The following RAB10 variants were observed in gnomAD, a reference collection of about 807,000 sequenced individuals.
The protein encoded by RAB10 is ras-related protein Rab-10.
In RAB10, 5 loss-of-function variants were observed where a neutral mutation model predicts 25.7. The ratio of observed to expected loss-of-function variants is 0.19; its 90% CI spans 0.10 to 0.41. The LOEUF (loss-of-function observed/expected upper bound fraction) is 0.41, where lower values mean the gene tolerates loss of function less well. RAB10 is among the 10% of genes least tolerant of loss of function. The pLI, the probability that RAB10 is intolerant of heterozygous loss-of-function variation, is 1.00. For missense variants in RAB10, 103 were observed against 245.8 expected (o/e 0.42, Z 3.89); for synonymous variants, 89 against 86.4 (o/e 1.03, Z -0.16).
Position 26,137,153 on chromosome 2 carries a change from G to A in RAB10, c.*2132G>A, listed in dbSNP as rs1310225542. ...TCGGCATTGTACATAGAAAGGATAT[G>A]GCTACCTTTTGTTAAATCTGCACTT... On this transcript the variant is annotated 3_prime_UTR_variant, in exon 6 of 6. Coordinates refer to ENST00000264710, the MANE Select transcript of RAB10 (RefSeq NM_016131.5). The A allele has an allele frequency of 1.3e-5, 2 of 152,572 alleles. No individual in the cohort carries two copies. Among genetic ancestry groups the A allele is most frequent in the African/African-American group, 4.8e-5 (2 of 41,408 alleles). 9.5% of individuals were successfully genotyped at this position (152,572 alleles called of 1,614,324 possible).
intron 1 of RAB10, among the ~76,000 whole-genome samples, chr2:26,036,734 A>G (rs528533932): frequency 6.6e-6 from 1 of 152,076 alleles, no homozygotes; most frequent in South Asian, 2.1e-4. Flanking sequence ...GCCTTTCTGG[A>G]AAAGGGAGCA....
At chr2:26,069,522 T>G (rs924314926) in intron 1 of RAB10, among the ~76,000 whole-genome samples, 2 of 151,584 alleles carry the variant, frequency 1.3e-5, no homozygotes, top group Admixed American at 6.6e-5. Context: ...AAAAATTAGC[T>G]GGGCATGGTG....
At chr2:26,063,596 C>T (rs1666455772) in intron 1 of RAB10, among the ~76,000 whole-genome samples, 1 of 152,140 alleles carries the variant, frequency 6.6e-6, no homozygotes, top group Non-Finnish European at 1.5e-5. Context: ...ATAACATATA[C>T]TTTATAATCT....
At chr2:26,046,205 GT>G (rs1391520111) in intron 1 of RAB10, among the ~76,000 whole-genome samples, 1 of 151,948 alleles carries the variant, frequency 6.6e-6, no homozygotes, top group Non-Finnish European at 1.5e-5. Flanking sequence ...CATGCCTGTA[GT>G]CCCAGCTACT....
intron 1 of RAB10, among the ~76,000 whole-genome samples, chr2:26,076,552 A>G (rs1252547728): frequency 1.3e-5 from 2 of 152,190 alleles, no homozygotes; most frequent in East Asian, 1.9e-4. Context: ...AAAGTATTAG[A>G]TAGTGGAGGT....
chr2:26,124,836 C>T (rs748329557), intron 3 of RAB10, among the ~76,000 whole-genome samples: 9 of 152,088 alleles, frequency 5.9e-5, no homozygotes, highest in Non-Finnish European at 8.8e-5. Flanking sequence ...ATAGGTACCT[C>T]ATATAAGTGG....
Position 26,118,399 on chromosome 2 carries a change from C to G in RAB10, c.327+8493C>G, listed in dbSNP as rs1261705065. ...TGAACACAGCCCACTGTAGCCCAGA[C>G]CTCCCGGGCAAATAAGTGCTTTAAA... On this transcript the variant is annotated intron_variant, in intron 3 of 5. Transcript: ENST00000264710. Among the ~76,000 whole-genome samples, 15 of 151,064 alleles carry G rather than the reference C, an allele frequency of 9.9e-5. 1 individual carries two copies. Among genetic ancestry groups the G allele is most frequent in the African/African-American group, 3.7e-4 (15 of 41,028 alleles).
At position 26,097,078 on chromosome 2, in the gene RAB10, A is replaced by G. The variant is rs557522706; in HGVS notation, c.128-1584A>G. 1.7e-4 allele frequency among the ~76,000 whole-genome samples: 26 copies of G among 152,228 alleles called. No individual in the cohort carries two copies. The East Asian group carries it at 4.1e-3, about 24-fold the overall frequency. On this transcript the variant is annotated intron_variant, in intron 1 of 5. Transcript: ENST00000264710. ...AAAAAGATACAAAACTTAGCTAGAC[A>G]TGGTGGCTCGTGCCTGTGGTCTTAG...
Position 26,127,149 on chromosome 2 carries a change from C to A in RAB10, c.333C>A (p.Ala111=). The change falls in exon 4 of 6, where the codon GCC becomes GCA. Residue 111 remains alanine, a synonymous_variant. Transcript: ENST00000264710. The stretch of plus-strand genomic sequence containing the variant: ...AAAATTTTATTTCATTTTAGCATGC[C>A]AATGAAGATGTGGAAAGAATGTTAC... ...SKWLRNIDEH[A]NEDVERMLLG... 1.9e-6 allele frequency: 3 copies of A among 1,593,738 alleles called. No individual in the cohort carries two copies. Among genetic ancestry groups the A allele is most frequent in the Non-Finnish European group, 2.6e-6 (3 of 1,173,108 alleles).
chr2:26,089,325 A>C (rs1459534081), intron 1 of RAB10, among the ~76,000 whole-genome samples: 1 of 151,492 alleles, frequency 6.6e-6, no homozygotes, highest in Non-Finnish European at 1.5e-5. Context: ...CAGGAGGCTG[A>C]GGCAGGAGAA....
At chr2:26,060,402 C>T (rs1471738646) in intron 1 of RAB10, among the ~76,000 whole-genome samples, 1 of 152,164 alleles carries the variant, frequency 6.6e-6, no homozygotes, top group Non-Finnish European at 1.5e-5. Context: ...ACGCCATTCT[C>T]CTGCCTCAGC....
rs79189300 is a variant in RAB10 at position 26,115,327 on chromosome 2, A to T, written c.327+5421A>T. Among the ~76,000 whole-genome samples the T allele has an allele frequency of 2.7e-5, 4 of 148,418 alleles. No homozygotes were observed. In the Admixed American group the frequency reaches 2.7e-4, roughly 10 times the overall value. On this transcript the variant is annotated intron_variant, in intron 3 of 5. Coordinates refer to ENST00000264710, the MANE Select transcript of RAB10 (RefSeq NM_016131.5). ...TTGTTCACAATAGCCAAAAAAAAAA[A>T]CCAGAAACAACCCAAACATCCATCA...
chr2:26,075,874 G>A lies in RAB10; in HGVS notation c.128-22788G>A, dbSNP rs542161734. On this transcript the variant is annotated intron_variant, in intron 1 of 5. Transcript: ENST00000264710. The stretch of plus-strand genomic sequence containing the variant: ...TTAGGGGGTGGAAGACAAGCAGGGG[G>A]TTAGGAGATAAGTAAGCAGGTTCTG... 1.2e-4 allele frequency among the ~76,000 whole-genome samples: 18 copies of A among 152,134 alleles called. No individual in the cohort carries two copies. In the South Asian group the frequency reaches 3.7e-3, roughly 32 times the overall value.
At chr2:26,124,114 AAT>A (rs1294330084) in intron 3 of RAB10, among the ~76,000 whole-genome samples, 1 of 152,168 alleles carries the variant, frequency 6.6e-6, no homozygotes, top group Non-Finnish European at 1.5e-5. Flanking sequence ...TTATGGTAAG[AAT>A]ACAGTATAGA....
intron 1 of RAB10, chr2:26,098,460 T>C: frequency 2.0e-6 from 1 of 507,916 alleles, no homozygotes; most frequent in South Asian, 2.3e-5. Context: ...CTTTTCTGTA[T>C]CTATTTTTCC....
At chr2:26,050,298 A>G (rs1666103928) in intron 1 of RAB10, among the ~76,000 whole-genome samples, 2 of 152,206 alleles carry the variant, frequency 1.3e-5, no homozygotes, top group South Asian at 2.1e-4. Context: ...CTTTGAAAAC[A>G]TTACTCCATT....
At chr2:26,037,608 C>T (rs1278807301) in intron 1 of RAB10, among the ~76,000 whole-genome samples, 3 of 151,074 alleles carry the variant, frequency 2.0e-5, no homozygotes, top group Non-Finnish European at 4.4e-5. Context: ...CATTGCACTC[C>T]AGCCTGGGCA....
Position 26,034,237 on chromosome 2 carries a change from C to A in RAB10, c.-372C>A. The A allele has an allele frequency of 2.3e-6, 1 of 440,806 alleles. No individual in the cohort carries two copies. Among genetic ancestry groups the A allele is most frequent in the South Asian group, 6.5e-5 (1 of 15,460 alleles). The allele number at this position is 440,806 out of a possible 1,614,324, so 27.3% of individuals were successfully genotyped here. A position where few individuals can be genotyped will look rare whatever the true frequency, so the allele number is the denominator to read the frequency against. On this transcript the variant is annotated 5_prime_UTR_variant, in exon 1 of 6. Transcript: ENST00000264710. ...CGCGTGCTAGCAGGGAGTTTCCGCT[C>A]GGGAGAGAGACTGTCCTCACGCCCG... is the stretch of plus-strand genomic sequence containing the variant.
At position 26,083,996 on chromosome 2, in the gene RAB10, TAAAG is replaced by T. The variant is rs1424518244; in HGVS notation, c.128-14664_128-14661del. On this transcript the variant is annotated intron_variant, in intron 1 of 5. Transcript: ENST00000264710. ...CTGAGAGAACTAAAGACAGCCCAAA[TAAAG>T]AGAGCTATACCGTATTCATGGATTA... is the stretch of plus-strand genomic sequence containing the variant. Among the ~76,000 whole-genome samples the T allele has an allele frequency of 4.6e-5, 7 of 152,236 alleles. No homozygotes were observed. The Middle Eastern group carries it at 0.014, about 296-fold the overall frequency.
Sources: gnomAD v4.1 joint callset for allele counts (sites outside exome capture counted in the v4.1 genomes callset) on GRCh38, gnomAD v4.1.1 for gene constraint, MANE v1.5 for transcripts, NCBI Gene and HGNC (gene_info 2026-07-23, HGNC 2026-07-21) for gene names.